ITPR2: variants seen among roughly 807,000 people sequenced by gnomAD.
ITPR2 encodes inositol 1,4,5-trisphosphate-gated calcium channel ITPR2.
ITPR2 carries 207 observed loss-of-function variants against 317.1 expected under a neutral mutation model. The observed-to-expected ratio is 0.65, with a 90% CI of 0.58 to 0.73. ITPR2 has a LOEUF of 0.73. Ranked by LOEUF, ITPR2 falls within the 30% of genes least tolerant of loss-of-function variation. The pLI is 0.00. For missense variants in ITPR2, 2,613 were observed against 3,284.0 expected (o/e 0.80, Z 4.99); for synonymous variants, 1,156 against 1,149.1 (o/e 1.01, Z -0.12).
rs538909095 is a variant in ITPR2, at chr12:26,546,509, C to G, written c.5073+3738G>C. Among the ~76,000 whole-genome samples the G allele has an allele frequency of 3.9e-5, 6 of 152,246 alleles. No homozygotes were observed. In the East Asian group the frequency reaches 1.2e-3, roughly 29 times the overall value. ...GACCTTCAGTTCCATGCAGCATCCACGTTGCTGCAAATGACATGATATCAT... is the reference window on the plus strand; with the variant it reads ...GACCTTCAGTTCCATGCAGCATCCAGGTTGCTGCAAATGACATGATATCAT... On this transcript the variant is annotated intron_variant, in intron 37 of 56. Coordinates refer to ENST00000381340, the MANE Select transcript of ITPR2 (RefSeq NM_002223.4).
intron 9 of ITPR2, among the ~76,000 whole-genome samples, chr12:26,703,753 T>C (rs1948498712): frequency 6.6e-6 from 1 of 152,216 alleles, no homozygotes; most frequent in Non-Finnish European, 1.5e-5. Context: ...ACAACAGTCA[T>C]AGTCCCTGTG....
Position 26,420,187 on chromosome 12 carries a change from C to T in ITPR2, c.6946-974G>A, listed in dbSNP as rs145500118. ...CTAGAATCACTGCAGTAATTACAAA[C>T]CAAAGAGCCAATTTTGTGTCTTAGT... is the stretch of plus-strand genomic sequence containing the variant. On this transcript the variant is annotated intron_variant, in intron 49 of 56. Coordinates refer to ENST00000381340, the MANE Select transcript of ITPR2 (RefSeq NM_002223.4). Among the ~76,000 whole-genome samples, 135 of 152,198 alleles carry T rather than the reference C, an allele frequency of 8.9e-4. 1 individual carries two copies. The highest frequency in any genetic ancestry group is 3.0e-3 in the African/African-American group (124 of 41,552).
At chr12:26,524,124 C>T (rs972008448) in intron 37 of ITPR2, among the ~76,000 whole-genome samples, 3 of 152,236 alleles carry the variant, frequency 2.0e-5, no homozygotes, top group Non-Finnish European at 4.4e-5. Flanking sequence ...ATGTAACACA[C>T]ATGCTTCTAA....
intron 55 of ITPR2, among the ~76,000 whole-genome samples, chr12:26,354,884 G>A (rs923247871): frequency 3.9e-5 from 6 of 152,040 alleles, no homozygotes; most frequent in South Asian, 2.1e-4. Context: ...TGTTGGTCTC[G>A]AACTCCTGAC....
At chr12:26,365,910 C>CT (rs888009011) in intron 55 of ITPR2, among the ~76,000 whole-genome samples, 6 of 152,168 alleles carry the variant, frequency 3.9e-5, no homozygotes, top group Non-Finnish European at 1.5e-5. Flanking sequence ...TTCTTGCACA[C>CT]TGTCAAATTT....
At chr12:26,361,531 A>G (rs532949340) in intron 55 of ITPR2, among the ~76,000 whole-genome samples, 1 of 152,314 alleles carries the variant, frequency 6.6e-6, no homozygotes, top group Non-Finnish European at 1.5e-5. Flanking sequence ...TAGACTGTGC[A>G]CAATTACCAA....
intron 55 of ITPR2, among the ~76,000 whole-genome samples, chr12:26,349,761 G>A (rs538056708): frequency 1.3e-5 from 2 of 152,242 alleles, no homozygotes; most frequent in Non-Finnish European, 2.9e-5. Context: ...ACCACTTTCA[G>A]TGTGCTGGTG....
At chr12:26,454,033 T>C (rs1328466971) in intron 45 of ITPR2, among the ~76,000 whole-genome samples, 1 of 152,078 alleles carries the variant, frequency 6.6e-6, no homozygotes, top group African/African-American at 2.4e-5. Context: ...GATGGATGGA[T>C]GGATGGATGG....
chr12:26,447,646 A>G (rs1941640161), intron 45 of ITPR2, among the ~76,000 whole-genome samples: 2 of 151,960 alleles, frequency 1.3e-5, no homozygotes. Context: ...TGTTGAAAGG[A>G]ACACTGGATG....
intron 32 of ITPR2, among the ~76,000 whole-genome samples, chr12:26,580,728 G>T (rs1486147281): frequency 6.6e-6 from 1 of 152,160 alleles, no homozygotes; most frequent in Non-Finnish European, 1.5e-5. Context: ...AGGTTTGCGT[G>T]CATTCTTCTC....
intron 45 of ITPR2, among the ~76,000 whole-genome samples, chr12:26,445,967 T>C (rs140268863): frequency 6.6e-6 from 1 of 152,266 alleles, no homozygotes; most frequent in Non-Finnish European, 1.5e-5. Flanking sequence ...AGAACATTTG[T>C]AGAGGGGTTT....
intron 34 of ITPR2, among the ~76,000 whole-genome samples, chr12:26,576,291 G>A (rs1005257613): frequency 6.6e-6 from 1 of 152,134 alleles, no homozygotes; most frequent in Non-Finnish European, 1.5e-5. Context: ...CCACCACTCA[G>A]AGATAATCAA....
At chr12:26,677,417 C>T (rs1204496406) in intron 13 of ITPR2, among the ~76,000 whole-genome samples, 2 of 151,738 alleles carry the variant, frequency 1.3e-5, no homozygotes, top group African/African-American at 2.4e-5. Flanking sequence ...CTGGGCAACA[C>T]GGCGAAACCC....
intron 55 of ITPR2, among the ~76,000 whole-genome samples, chr12:26,362,047 T>TATG (rs1030271174): frequency 3.9e-4 from 59 of 152,274 alleles, no homozygotes; most frequent in African/African-American, 1.1e-3. Flanking sequence ...TAAATACACT[T>TATG]ATGATGACTG....
At chr12:26,724,893 G>T (rs1948894846) in intron 3 of ITPR2, 151 bp from the exon 4 acceptor site, 2 of 558,306 alleles carry the variant, frequency 3.6e-6, no homozygotes, top group South Asian at 2.5e-5. Context: ...TAGGTGTTTT[G>T]TTTTGCTTTA....
Position 26,682,614 on chromosome 12 carries a change from A to C in ITPR2, c.1208T>G (p.Ile403Ser), listed in dbSNP as rs1948055743. The change falls in exon 12 of 57, where the codon ATC becomes AGC. Residue 403 changes from isoleucine (I) to serine (S), a missense_variant. This residue lies in a region of ITPR2 where 515 missense variants were observed against 789.4 expected (regional missense o/e 0.65). Coordinates refer to ENST00000381340, the MANE Select transcript of ITPR2 (RefSeq NM_002223.4). ...CTNTWVTSTS[I>S]PIDTDEERPV... ...CCTCTCTTCATCTGTGTCTATGGGG[A>C]TACTAGTACTGGTTACCCATGTGTT... 4.3e-6 allele frequency: 7 copies of C among 1,612,926 alleles called. No individual in the cohort carries two copies. In the African/African-American group the frequency reaches 8.0e-5, roughly 18 times the overall value.
At chr12:26,685,475 T>C (rs1948108329) in intron 11 of ITPR2, among the ~76,000 whole-genome samples, 1 of 152,124 alleles carries the variant, frequency 6.6e-6, no homozygotes, top group Non-Finnish European at 1.5e-5. Flanking sequence ...TGCATGCCTA[T>C]AGTCCCAGCT....
At chr12:26,801,426 T>C (rs1950553960) in intron 1 of ITPR2, 2 of 152,698 alleles carry the variant, frequency 1.3e-5, no homozygotes, top group Admixed American at 1.3e-4. Context: ...TGGGCTTCGG[T>C]TCCTCCATAA....
chr12:26,349,624 C>T (rs776938146), intron 55 of ITPR2, among the ~76,000 whole-genome samples: 2 of 152,196 alleles, frequency 1.3e-5, no homozygotes, highest in African/African-American at 2.4e-5. Flanking sequence ...ATATGACAAA[C>T]AGAAAGCATC....
Sources: allele counts gnomAD v4.1 joint callset (sites outside exome capture counted in the v4.1 genomes callset), GRCh38; gene constraint gnomAD v4.1.1; regional missense constraint gnomAD v4.1.1; transcripts MANE v1.5; gene names NCBI Gene and HGNC (gene_info 2026-07-23, HGNC 2026-07-21).